DROSHA: variants seen among roughly 807,000 people sequenced by gnomAD.
The protein encoded by DROSHA is drosha ribonuclease III.
A neutral mutation model predicts 181.9 loss-of-function variants in DROSHA; 56 were observed. That is an observed-to-expected ratio of 0.31 (90% confidence interval 0.25 to 0.38). The LOEUF (loss-of-function observed/expected upper bound fraction) is 0.38, where lower values mean the gene tolerates loss of function less well. Ranked by LOEUF, DROSHA falls within the 10% of genes least tolerant of loss-of-function variation. The probability of loss-of-function intolerance (pLI) is 1.00; values close to 1 mark genes in which losing one functional copy is unlikely to be tolerated. For missense variants in DROSHA, 1,218 were observed against 1,743.5 expected (o/e 0.70, Z 5.37); for synonymous variants, 524 against 591.2 (o/e 0.89, Z 1.65).
chr5:31,482,320 C>G (rs1751124408), intron 16 of DROSHA, among the ~76,000 whole-genome samples: 1 of 152,072 alleles, frequency 6.6e-6, no homozygotes, highest in Non-Finnish European at 1.5e-5. Context: ...GCCATACAGG[C>G]AGCTAAGACA....
At chr5:31,505,318 C>T (rs544674804) in intron 10 of DROSHA, among the ~76,000 whole-genome samples, 1 of 150,758 alleles carries the variant, frequency 6.6e-6, no homozygotes, top group South Asian at 2.1e-4. Context: ...ATATGATGTG[C>T]TTCATAATTT....
At chr5:31,457,847 A>G (rs1747855070) in intron 20 of DROSHA, among the ~76,000 whole-genome samples, 1 of 152,210 alleles carries the variant, frequency 6.6e-6, no homozygotes, top group Non-Finnish European at 1.5e-5. Flanking sequence ...CCATGATCGC[A>G]GTGTCACTGT....
intron 35 of DROSHA, among the ~76,000 whole-genome samples, chr5:31,405,142 G>A (rs1740487125): frequency 6.6e-6 from 1 of 152,142 alleles, no homozygotes; most frequent in Non-Finnish European, 1.5e-5. Context: ...CCAGGTGGGT[G>A]GATCATCTGA....
chr5:31,415,469 C>T (rs962943314), intron 30 of DROSHA, among the ~76,000 whole-genome samples: 1 of 152,174 alleles, frequency 6.6e-6, no homozygotes, highest in African/African-American at 2.4e-5. Context: ...ATACAGGAGG[C>T]TGTGTAATCT....
intron 23 of DROSHA, among the ~76,000 whole-genome samples, chr5:31,443,312 C>A (rs1745861789): frequency 6.6e-6 from 1 of 151,984 alleles, no homozygotes; most frequent in Non-Finnish European, 1.5e-5. Context: ...GCCACCACAC[C>A]TGGCTGAGAT....
intron 15 of DROSHA, among the ~76,000 whole-genome samples, chr5:31,484,111 C>T (rs895791133): frequency 6.6e-6 from 1 of 152,108 alleles, no homozygotes; most frequent in African/African-American, 2.4e-5. Context: ...GTGGCTCACG[C>T]CTGTAATCCC....
intron 5 of DROSHA, among the ~76,000 whole-genome samples, chr5:31,523,361 C>G (rs937061000): frequency 3.3e-5 from 5 of 152,162 alleles, no homozygotes; most frequent in African/African-American, 1.2e-4. Context: ...TAGGATAAAT[C>G]AGGTTAGAAG....
At chr5:31,422,640 T>G in intron 29 of DROSHA, 147 bp downstream of exon 29, 1 of 911,912 alleles carries the variant, frequency 1.1e-6, no homozygotes, top group Admixed American at 2.9e-5. Context: ...AGGTCCACAC[T>G]GAGGTCTGTC....
chr5:31,496,293 T>G lies in DROSHA; in HGVS notation c.1669-921A>C, dbSNP rs185343123. 5.7e-3 allele frequency among the ~76,000 whole-genome samples: 871 copies of G among 152,196 alleles called. 6 individuals are homozygous for G. The highest frequency in any genetic ancestry group is 0.019 in the African/African-American group (795 of 41,510). ...CTTTACAAAAATTAGCCTGGTGTGGTGGTGCATGCCTGTGGTCCCAGCTAC... is the reference window on the plus strand; with the variant it reads ...CTTTACAAAAATTAGCCTGGTGTGGGGGTGCATGCCTGTGGTCCCAGCTAC... On this transcript the variant is annotated intron_variant, in intron 11 of 35. Coordinates refer to ENST00000344624, the MANE Select transcript of DROSHA (RefSeq NM_001382508.1).
Position 31,515,544 on chromosome 5 carries a change from A to G in DROSHA, c.968T>C (p.Val323Ala), listed in dbSNP as rs1229728511. ...RSGRSYGLSV[V>A]PEPAGCTPEL... ...TGGTGTGCATCCAGCAGGTTCAGGA[A>G]CAACCGATAAACCGTAACTCCTAAA... The change falls in exon 7 of 36, where the codon GTT (valine) becomes GCT (alanine). Residue 323 changes from valine to alanine, a missense_variant. Physicochemically the swap from Val to Ala is moderately conservative, Grantham distance 64 (BLOSUM62 0). Transcript: ENST00000344624. 7 of 1,550,590 alleles carry G rather than the reference A, an allele frequency of 4.5e-6. No individual in the cohort carries two copies. Among genetic ancestry groups the G allele is most frequent in the African/African-American group, 4.1e-5 (3 of 73,060 alleles).
chr5:31,466,880 C>G (rs915202382), intron 18 of DROSHA, among the ~76,000 whole-genome samples: 3 of 152,106 alleles, frequency 2.0e-5, no homozygotes, highest in African/African-American at 7.2e-5. Context: ...TAAGTGATAA[C>G]CTAGACCAGT....
chr5:31,526,295 G>A lies in DROSHA; in HGVS notation c.638C>T (p.Pro213Leu), dbSNP rs779587523. The change falls in exon 5 of 36, where the codon CCA becomes CTA. Residue 213 changes from proline (P) to leucine (L), a missense_variant. By Grantham distance (98) the Pro-to-Leu change is moderately conservative. Coordinates refer to ENST00000344624, the MANE Select transcript of DROSHA (RefSeq NM_001382508.1). ...GGACCTTCTCTCACTGGGAGCCTTT[G>A]GGAGTGGGTATGGAGGGAGATGTCT... is the stretch of plus-strand genomic sequence containing the variant. ...HFRHLPPYPL[P>L]KAPSERRSPE... 2.5e-6 allele frequency: 4 copies of A among 1,613,788 alleles called. No individual in the cohort carries two copies. In the African/African-American group the frequency reaches 4.0e-5, roughly 16 times the overall value.
intron 11 of DROSHA, among the ~76,000 whole-genome samples, chr5:31,501,849 C>T (rs1157942763): frequency 1.3e-5 from 2 of 152,288 alleles, no homozygotes; most frequent in East Asian, 1.9e-4. Flanking sequence ...TCCCGACGGT[C>T]GGGGCATGCT....
At chr5:31,473,620 G>C (rs147633831) in intron 16 of DROSHA, among the ~76,000 whole-genome samples, 11 of 152,290 alleles carry the variant, frequency 7.2e-5, no homozygotes, top group Non-Finnish European at 1.3e-4. Context: ...TAAAAGATCA[G>C]GTTGAGGTGA....
At chr5:31,494,036 T>C (rs1022859507) in intron 12 of DROSHA, among the ~76,000 whole-genome samples, 3 of 151,590 alleles carry the variant, frequency 2.0e-5, no homozygotes, top group Non-Finnish European at 2.9e-5. Flanking sequence ...TGGCATGATC[T>C]TGGCTCACTA....
intron 20 of DROSHA, among the ~76,000 whole-genome samples, chr5:31,459,957 G>A (rs1019949444): frequency 1.3e-5 from 2 of 152,024 alleles, no homozygotes; most frequent in African/African-American, 2.4e-5. Context: ...CTGGTGATGC[G>A]ACTGTGATGG....
chr5:31,403,141 T>C (rs949685985), intron 35 of DROSHA, among the ~76,000 whole-genome samples: 1 of 152,250 alleles, frequency 6.6e-6, no homozygotes, highest in Non-Finnish European at 1.5e-5. Context: ...AATAAAATCC[T>C]ATTCCTGAAC....
intron 8 of DROSHA, among the ~76,000 whole-genome samples, chr5:31,512,345 G>A (rs1040936813): frequency 1.3e-5 from 2 of 152,156 alleles, no homozygotes; most frequent in African/African-American, 4.8e-5. Flanking sequence ...CTACACTGGA[G>A]TTTTAATATA....
Position 31,504,645 on chromosome 5 carries a change from A to C in DROSHA, c.1588-10T>G. On this transcript the variant is annotated splice_polypyrimidine_tract_variant and intron_variant, in intron 10 of 35. Transcript: ENST00000344624. Reference sequence around the variant, plus strand: ...GTGGTCCATCATTCATCTGTCAGAAACACAATGTAATTCGTTTTTATTGGA... The same window carrying C: ...GTGGTCCATCATTCATCTGTCAGAACCACAATGTAATTCGTTTTTATTGGA... 1 of 1,613,774 alleles carries C rather than the reference A, an allele frequency of 6.2e-7. No homozygotes were observed. The highest frequency in any genetic ancestry group is 8.5e-7 in the Non-Finnish European group (1 of 1,179,810).
Sources: allele counts gnomAD v4.1 joint callset (sites outside exome capture counted in the v4.1 genomes callset), GRCh38; gene constraint gnomAD v4.1.1; transcripts MANE v1.5; gene names NCBI Gene and HGNC (gene_info 2026-07-23, HGNC 2026-07-21).